The following KIFAP3 variants were observed in gnomAD, a reference collection of about 807,000 sequenced individuals.
KIFAP3 encodes the protein kinesin-associated protein 3.
A neutral mutation model predicts 106.5 loss-of-function variants in KIFAP3; 68 were observed. That is an observed-to-expected ratio of 0.64 (90% CI 0.53 to 0.78). KIFAP3 has a LOEUF of 0.78. KIFAP3 is among the 30% of genes least tolerant of loss of function. KIFAP3 has a pLI of 0.00. For synonymous variants in KIFAP3, 320 were observed against 311.5 expected, an observed-to-expected ratio of 1.03 and a Z score of -0.29; for missense variants, 780 against 941.8, an observed-to-expected ratio of 0.83 and a Z score of 2.25.
chr1:170,007,642 A>G (rs755761311), intron 10 of KIFAP3, among the ~76,000 whole-genome samples: 8 of 152,180 alleles, frequency 5.3e-5, no homozygotes, highest in Non-Finnish European at 1.0e-4. Flanking sequence ...ATGGAAAAAC[A>G]TTCCACGCTC....
chr1:170,020,256 A>C (rs1668742208), intron 9 of KIFAP3, among the ~76,000 whole-genome samples: 1 of 152,204 alleles, frequency 6.6e-6, no homozygotes. Flanking sequence ...CAATGATTTT[A>C]AAATGTACAT....
At chr1:170,043,967 A>C (rs965808070) in intron 3 of KIFAP3, among the ~76,000 whole-genome samples, 1 of 152,122 alleles carries the variant, frequency 6.6e-6, no homozygotes, top group African/African-American at 2.4e-5. Context: ...ACTGACCAAA[A>C]ACTGCCTGGG....
At chr1:169,975,538 T>C (rs973834528) in intron 16 of KIFAP3, among the ~76,000 whole-genome samples, 4 of 152,164 alleles carry the variant, frequency 2.6e-5, no homozygotes, top group Non-Finnish European at 5.9e-5. Context: ...CATTGTAACA[T>C]GACAGATTTA....
intron 1 of KIFAP3, among the ~76,000 whole-genome samples, chr1:170,059,142 T>C (rs1353518591): frequency 6.6e-6 from 1 of 151,980 alleles, no homozygotes; most frequent in South Asian, 2.1e-4. Flanking sequence ...ATTTAAAAGC[T>C]AGCAGAAGGC....
intron 7 of KIFAP3, among the ~76,000 whole-genome samples, chr1:170,033,792 T>C (rs1669541003): frequency 6.6e-6 from 1 of 151,828 alleles, no homozygotes. Context: ...GAGGAGCCTA[T>C]GTAATAGCAT....
At chr1:169,996,358 G>A (rs1327495685) in intron 10 of KIFAP3, among the ~76,000 whole-genome samples, 2 of 152,140 alleles carry the variant, frequency 1.3e-5, no homozygotes, top group Non-Finnish European at 2.9e-5. Flanking sequence ...GAAGTTAAGA[G>A]AAGCTCTAGG....
At chr1:170,007,796 A>T (rs1436082316) in intron 10 of KIFAP3, among the ~76,000 whole-genome samples, 1 of 152,222 alleles carries the variant, frequency 6.6e-6, no homozygotes, top group Non-Finnish European at 1.5e-5. Flanking sequence ...ACCAAAAAAG[A>T]GCCCATATAG....
At chr1:169,951,232 TAC>T (rs1664714582) in intron 19 of KIFAP3, among the ~76,000 whole-genome samples, 2 of 152,074 alleles carry the variant, frequency 1.3e-5, no homozygotes, top group Admixed American at 6.5e-5. Flanking sequence ...AAAAAAGTGA[TAC>T]AGTTAAATGT....
At chr1:169,944,184 A>AG (rs67558181) in intron 19 of KIFAP3, among the ~76,000 whole-genome samples, 142,371 of 152,240 alleles carry the variant, frequency 0.94, 66,661 homozygotes, top group East Asian at 0.99. Context: ...TGGAGCGGCG[A>AG]GGTTGTGTGG....
upstream of KIFAP3, among the ~76,000 whole-genome samples, chr1:170,078,879 A>G (rs1671970265): frequency 6.6e-6 from 1 of 152,240 alleles, no homozygotes; most frequent in South Asian, 2.1e-4. Flanking sequence ...TCCTTAGTGA[A>G]CATATGTGCA....
rs12083317 is a variant in KIFAP3, at chr1:169,930,289, G to T, written c.2274-8508C>A. ...CTCTTGCTGTTAGAGCGCTTGTCGTGTACTGTCATGTACTTTACAAAGCTT... is the reference window on the plus strand; with the variant it reads ...CTCTTGCTGTTAGAGCGCTTGTCGTTTACTGTCATGTACTTTACAAAGCTT... On this transcript the variant is annotated intron_variant, in intron 19 of 19. Transcript: ENST00000361580. Among the ~76,000 whole-genome samples the T allele has an allele frequency of 7.7e-3, 1,174 of 152,192 alleles. 24 individuals carry two copies. In the South Asian group the frequency reaches 0.081, roughly 10 times the overall value.
chr1:169,969,364 A>G (rs1194879634), intron 17 of KIFAP3, among the ~76,000 whole-genome samples: 2 of 151,990 alleles, frequency 1.3e-5, no homozygotes, highest in Admixed American at 6.6e-5. Context: ...TCTCTGACAC[A>G]GGCTTCCTTG....
intron 1 of KIFAP3, 47 bp downstream of exon 1, chr1:170,074,389 C>T (rs1671837256): frequency 1.2e-6 from 2 of 1,607,148 alleles, no homozygotes; most frequent in Admixed American, 3.4e-5. Flanking sequence ...AGAACATCTT[C>T]AGGGCCCTGG....
intron 1 of KIFAP3, among the ~76,000 whole-genome samples, chr1:170,057,960 T>A (rs1386251212): frequency 2.0e-5 from 3 of 152,166 alleles, no homozygotes; most frequent in Non-Finnish European, 4.4e-5. Flanking sequence ...TAAATTGACT[T>A]AGAAAAATCA....
At chr1:170,076,054 A>G (rs545736006), upstream of KIFAP3, among the ~76,000 whole-genome samples, 14 of 152,344 alleles carry the variant, frequency 9.2e-5, no homozygotes, top group African/African-American at 3.1e-4. Context: ...ACCAAAATAT[A>G]CATTAAAATG....
At chr1:170,017,144 C>T (rs777250975) in intron 9 of KIFAP3, among the ~76,000 whole-genome samples, 2 of 151,002 alleles carry the variant, frequency 1.3e-5, no homozygotes, top group Non-Finnish European at 2.9e-5. Flanking sequence ...GTAGTCCCAG[C>T]TACTTGGGAG....
At chr1:169,923,722 C>T (rs1558165375) in intron 19 of KIFAP3, among the ~76,000 whole-genome samples, 1 of 152,190 alleles carries the variant, frequency 6.6e-6, no homozygotes, top group Non-Finnish European at 1.5e-5. Flanking sequence ...TTCAGAGTAT[C>T]TCACAGACGA....
chr1:169,944,909 G>A lies in KIFAP3; in HGVS notation c.2273+9102C>T, dbSNP rs545617858. On this transcript the variant is annotated intron_variant, in intron 19 of 19. Coordinates refer to ENST00000361580, the MANE Select transcript of KIFAP3 (RefSeq NM_014970.4). ...AGAAAAAGTACAAGTTCTCACTTTG[G>A]GTGGGAGACTCCACCTGGAACCGGC... Among the ~76,000 whole-genome samples the A allele has an allele frequency of 2.0e-5, 3 of 152,244 alleles. No individual in the cohort carries two copies. In the South Asian group the frequency reaches 6.2e-4, roughly 32 times the overall value.
chr1:169,923,143 T>C (rs575147), intron 19 of KIFAP3: 891,679 of 973,950 alleles, frequency 0.92, 408,366 homozygotes, highest in East Asian at 0.99. Flanking sequence ...ACTGAGCGAT[T>C]CTGGACAAAA....
Sources: gnomAD v4.1 joint callset for allele counts (sites outside exome capture counted in the v4.1 genomes callset) on GRCh38, gnomAD v4.1.1 for gene constraint, MANE v1.5 for transcripts, NCBI Gene and HGNC (gene_info 2026-07-23, HGNC 2026-07-21) for gene names.